The following PRIM2 variants were observed in gnomAD, a reference collection of about 807,000 sequenced individuals.
PRIM2 encodes the protein DNA primase subunit 2, also known as DNA primase large subunit.
In PRIM2, 39 loss-of-function variants were observed where a neutral mutation model predicts 67.3. The ratio of observed to expected loss-of-function variants is 0.58; its 90% CI spans 0.45 to 0.76. The LOEUF is 0.76. Ranked by LOEUF, PRIM2 falls within the 30% of genes least tolerant of loss-of-function variation. The pLI is 0.00. For missense variants in PRIM2, 398 were observed against 598.7 expected, an observed-to-expected ratio of 0.66 and a Z score of 3.50; for synonymous variants, 143 against 198.7, an observed-to-expected ratio of 0.72 and a Z score of 2.36.
At chr6:57,367,679 A>G (rs532623130) in intron 5 of PRIM2, among the ~76,000 whole-genome samples, 2 of 152,332 alleles carry the variant, frequency 1.3e-5, no homozygotes, top group African/African-American at 4.8e-5. Context: ...TAGGATGTCT[A>G]AGACAGCTTT....
chr6:57,432,256 T>C (rs1427733831), intron 7 of PRIM2, among the ~76,000 whole-genome samples: 2 of 152,192 alleles, frequency 1.3e-5, no homozygotes, highest in African/African-American at 2.4e-5. Flanking sequence ...ATTACTTTCA[T>C]GAAAGGAATT....
At chr6:57,393,859 C>A (rs1485469641) in intron 7 of PRIM2, among the ~76,000 whole-genome samples, 5 of 151,490 alleles carry the variant, frequency 3.3e-5, no homozygotes, top group African/African-American at 1.2e-4. Context: ...GATGAGGGTC[C>A]AGTTTCATTC....
intron 7 of PRIM2, among the ~76,000 whole-genome samples, chr6:57,489,889 C>T (rs1773850709): frequency 6.6e-6 from 1 of 150,594 alleles, no homozygotes; most frequent in Non-Finnish European, 1.5e-5. Context: ...GCAGGGTGTC[C>T]TGAGGCATCA....
chr6:57,620,778 A>G (rs1776838712), intron 12 of PRIM2, among the ~76,000 whole-genome samples: 1 of 152,278 alleles, frequency 6.6e-6, no homozygotes, highest in African/African-American at 2.4e-5. Flanking sequence ...CTTAAAAGGT[A>G]CAGAACTGCA....
At chr6:57,318,360 T>G in intron 1 of PRIM2, 77 bp from the exon 2 acceptor site, 3 of 1,378,574 alleles carry the variant, frequency 2.2e-6, no homozygotes, top group Admixed American at 5.4e-5. Flanking sequence ...TGTGGAATTA[T>G]TTTTTCGTGT....
upstream of PRIM2, among the ~76,000 whole-genome samples, chr6:57,313,450 G>A (rs1191464225): frequency 3.9e-5 from 6 of 152,064 alleles, no homozygotes; most frequent in African/African-American, 1.4e-4. Context: ...ACTATTTCTG[G>A]AACACACCAA....
chr6:57,433,003 A>G (rs777873530), intron 7 of PRIM2, among the ~76,000 whole-genome samples: 4 of 152,222 alleles, frequency 2.6e-5, no homozygotes, highest in African/African-American at 4.8e-5. Flanking sequence ...AGGAGTTGAC[A>G]CACTAAAGCC....
chr6:57,332,337 T>C (rs1415363089), intron 5 of PRIM2, among the ~76,000 whole-genome samples: 1 of 152,150 alleles, frequency 6.6e-6, no homozygotes, highest in African/African-American at 2.4e-5. Flanking sequence ...AGAATGTGTA[T>C]CTGCTATTCT....
intron 5 of PRIM2, among the ~76,000 whole-genome samples, chr6:57,329,624 C>G (rs1341342068): frequency 6.6e-6 from 1 of 152,054 alleles, no homozygotes; most frequent in Non-Finnish European, 1.5e-5. Flanking sequence ...TAAGGGGCCT[C>G]CCCCTTTGCT....
the PRIM2 span, among the ~76,000 whole-genome samples, chr6:57,250,838 A>G: frequency 6.6e-6 from 1 of 152,208 alleles, no homozygotes; most frequent in Non-Finnish European, 1.5e-5. Flanking sequence ...TAAAACCCCA[A>G]ATCCTAAATG....
At chr6:57,422,674 A>G (rs1269328039) in intron 7 of PRIM2, among the ~76,000 whole-genome samples, 1 of 152,052 alleles carries the variant, frequency 6.6e-6, no homozygotes, top group Non-Finnish European at 1.5e-5. Flanking sequence ...TTTCAGTGGC[A>G]ATAATACTGT....
chr6:57,629,416 C>T (rs1323335277), intron 12 of PRIM2, among the ~76,000 whole-genome samples: 1 of 152,074 alleles, frequency 6.6e-6, no homozygotes, highest in Non-Finnish European at 1.5e-5. Flanking sequence ...TTCGCATTTT[C>T]CCGAGTTTTA....
intron 5 of PRIM2, among the ~76,000 whole-genome samples, chr6:57,375,788 T>C (rs1769743172): frequency 6.6e-6 from 1 of 151,994 alleles, no homozygotes; most frequent in South Asian, 2.1e-4. Flanking sequence ...AAATTTTTTT[T>C]AGTTTGGGTA....
chr6:57,572,459 T>C (rs1173207270), intron 10 of PRIM2, among the ~76,000 whole-genome samples: 2 of 152,178 alleles, frequency 1.3e-5, no homozygotes, highest in Non-Finnish European at 2.9e-5. Flanking sequence ...CGCTTGTTGG[T>C]TGGGTAACTT....
At position 57,385,115 on chromosome 6, in the gene PRIM2, A is replaced by G. The variant is rs1770095796; in HGVS notation, c.693+2947A>G. The stretch of plus-strand genomic sequence containing the variant: ...GAAGGATATGTGGCAGATTTTTGCA[A>G]AATTTTACAATTTTTTTCTACTTTC... On this transcript the variant is annotated intron_variant, in intron 7 of 13. Transcript: ENST00000615550. Among the ~76,000 whole-genome samples the G allele has an allele frequency of 2.6e-5, 4 of 152,154 alleles. No homozygotes were observed. In the South Asian group the frequency reaches 8.3e-4, roughly 31 times the overall value.
intron 7 of PRIM2, among the ~76,000 whole-genome samples, chr6:57,471,560 GT>G (rs1411392806): frequency 6.6e-6 from 1 of 152,192 alleles, no homozygotes; most frequent in Non-Finnish European, 1.5e-5. Flanking sequence ...CATATCCAGT[GT>G]TCTGCTAACA....
the PRIM2 span, among the ~76,000 whole-genome samples, chr6:57,308,094 ACACCAG>A: frequency 1.3e-5 from 2 of 152,034 alleles, no homozygotes; most frequent in East Asian, 3.8e-4. Context: ...TTGTATGAAT[ACACCAG>A]AATTTATTTA....
intron 5 of PRIM2, among the ~76,000 whole-genome samples, chr6:57,359,113 C>T (rs943707714): frequency 2.0e-5 from 3 of 152,272 alleles, no homozygotes; most frequent in Admixed American, 6.5e-5. Flanking sequence ...TTCCCCTGCC[C>T]ACCTCTTGAT....
intron 9 of PRIM2, among the ~76,000 whole-genome samples, chr6:57,534,592 A>G (rs1262787025): frequency 1.3e-5 from 2 of 152,198 alleles, no homozygotes; most frequent in Non-Finnish European, 2.9e-5. Context: ...TTTTCACTAC[A>G]TAACAGCCAG....
Sources: gnomAD v4.1 joint callset for allele counts (sites outside exome capture counted in the v4.1 genomes callset) on GRCh38, gnomAD v4.1.1 for gene constraint, MANE v1.5 for transcripts, NCBI Gene and HGNC (gene_info 2026-07-23, HGNC 2026-07-21) for gene names.